Variants in CSMD1 observed in about 807,000 individuals in gnomAD.
CSMD1 encodes the protein CUB and sushi domain-containing protein 1.
CSMD1 carries 213 observed loss-of-function variants against 417.5 expected under a neutral mutation model. The observed-to-expected ratio is 0.51, with a 90% CI of 0.46 to 0.57. The LOEUF (loss-of-function observed/expected upper bound fraction) is 0.57. Among genes scored for constraint, CSMD1 ranks in the 20% least tolerant of loss-of-function variants. CSMD1 has a pLI of 0.00. For missense variants in CSMD1, 6,923 were observed against 4,529.7 expected (o/e 1.53, Z -15.17); for synonymous variants, 2,862 against 1,736.8 (o/e 1.65, Z -16.11).
chr8:3,776,401 A>G (rs1798887688), intron 5 of CSMD1, among the ~76,000 whole-genome samples: 1 of 152,162 alleles, frequency 6.6e-6, no homozygotes, highest in South Asian at 2.1e-4. Context: ...AGGCGCTGCA[A>G]GGGCTGACAC....
rs1487012189 is a variant in CSMD1 at position 3,795,563 on chromosome 8, C to G, written c.819-41521G>C. ...ATCATAGATATAGATATATATCTAT[C>G]ATAGATATAGATATATATCTATCAT... On this transcript the variant is annotated intron_variant, in intron 5 of 69. Transcript: ENST00000635120. 2.7e-4 allele frequency among the ~76,000 whole-genome samples: 2 copies of G among 7,410 alleles called. 1 individual carries two copies. Among genetic ancestry groups the G allele is most frequent in the Non-Finnish European group, 4.2e-4 (2 of 4,772 alleles). The allele number at this position is 7,410 out of a possible 152,430, so 4.9% of individuals were successfully genotyped here.
intron 26 of CSMD1, among the ~76,000 whole-genome samples, chr8:3,241,531 G>A (rs1165064085): frequency 2.0e-5 from 3 of 152,152 alleles, no homozygotes; most frequent in Non-Finnish European, 4.4e-5. Flanking sequence ...AGAGTCTTGG[G>A]CCAGAGTTCC....
intron 3 of CSMD1, among the ~76,000 whole-genome samples, chr8:4,355,225 G>A (rs892803111): frequency 5.3e-5 from 8 of 151,764 alleles, no homozygotes; most frequent in South Asian, 2.1e-4. Flanking sequence ...TCGCGCCACT[G>A]CACTCCAGCC....
intron 1 of CSMD1, among the ~76,000 whole-genome samples, chr8:4,657,736 T>C (rs1421414063): frequency 7.1e-6 from 1 of 140,654 alleles, no homozygotes; most frequent in East Asian, 2.1e-4. Context: ...AAAAAAAAAC[T>C]CTCCCTGAAA....
chr8:3,835,911 A>T (rs1802666446), intron 5 of CSMD1, among the ~76,000 whole-genome samples: 1 of 151,912 alleles, frequency 6.6e-6, no homozygotes, highest in Non-Finnish European at 1.5e-5. Flanking sequence ...ACTTTTTTCA[A>T]CATATTTTCT....
chr8:3,036,243 A>C (rs1184856115), intron 50 of CSMD1, among the ~76,000 whole-genome samples: 1 of 152,214 alleles, frequency 6.6e-6, no homozygotes, highest in African/African-American at 2.4e-5. Flanking sequence ...ACATTGCTTT[A>C]AGATATTTAG....
At chr8:3,317,129 G>C (rs1204327606) in intron 23 of CSMD1, among the ~76,000 whole-genome samples, 1 of 152,182 alleles carries the variant, frequency 6.6e-6, no homozygotes, top group East Asian at 1.9e-4. Flanking sequence ...CAGCTCATGG[G>C]AGAGGTGAGG....
intron 3 of CSMD1, among the ~76,000 whole-genome samples, chr8:4,322,156 A>G (rs892438190): frequency 6.6e-6 from 1 of 152,232 alleles, no homozygotes; most frequent in Non-Finnish European, 1.5e-5. Flanking sequence ...TACATTTGAA[A>G]TAACATTGCT....
At chr8:4,397,662 A>C (rs1159179310) in intron 3 of CSMD1, among the ~76,000 whole-genome samples, 1 of 151,258 alleles carries the variant, frequency 6.6e-6, no homozygotes, top group Non-Finnish European at 1.5e-5. Flanking sequence ...TTCTGCTTTA[A>C]ATTGCGGCAG....
intron 3 of CSMD1, among the ~76,000 whole-genome samples, chr8:4,336,720 G>T (rs1377131757): frequency 2.6e-5 from 4 of 152,104 alleles, no homozygotes; most frequent in African/African-American, 9.7e-5. Context: ...ATTCTTTCTA[G>T]GATCCAATTA....
chr8:4,712,710 TTC>T (rs146362818), intron 1 of CSMD1, among the ~76,000 whole-genome samples: 4 of 152,208 alleles, frequency 2.6e-5, no homozygotes, highest in Admixed American at 6.5e-5. Flanking sequence ...GTGTGTTTTT[TTC>T]TCTCTCTCTT....
rs140350180 is a variant in CSMD1 at position 4,216,669 on chromosome 8, G to A, written c.416-184570C>T. On this transcript the variant is annotated intron_variant, in intron 3 of 69. Transcript: ENST00000635120. ...TTCTTTCGTAAATGACTGAGTGAAGGGAAGCTTCTCATGTTTCATGTAAGC... is the reference window on the plus strand; with the variant it reads ...TTCTTTCGTAAATGACTGAGTGAAGAGAAGCTTCTCATGTTTCATGTAAGC... Among the ~76,000 whole-genome samples the A allele has an allele frequency of 3.3e-5, 5 of 152,178 alleles. No individual in the cohort carries two copies. In the East Asian group the frequency reaches 9.7e-4, roughly 29 times the overall value.
chr8:4,902,886 G>T (rs1379367230), intron 1 of CSMD1, among the ~76,000 whole-genome samples: 1 of 150,864 alleles, frequency 6.6e-6, no homozygotes, highest in Non-Finnish European at 1.5e-5. Context: ...CATATGTACT[G>T]CATGTATATT....
intron 1 of CSMD1, among the ~76,000 whole-genome samples, chr8:4,945,749 G>T (rs777255084): frequency 6.6e-6 from 1 of 152,074 alleles, no homozygotes; most frequent in Non-Finnish European, 1.5e-5. Context: ...AGGAGATGAT[G>T]CCACCTGGAG....
intron 3 of CSMD1, among the ~76,000 whole-genome samples, chr8:4,381,004 G>A (rs977668429): frequency 6.6e-6 from 1 of 152,140 alleles, no homozygotes; most frequent in African/African-American, 2.4e-5. Flanking sequence ...CTCACTGCCA[G>A]AACTCATTTC....
chr8:3,747,758 G>T (rs566404096), intron 6 of CSMD1, among the ~76,000 whole-genome samples: 4 of 151,820 alleles, frequency 2.6e-5, no homozygotes, highest in Non-Finnish European at 1.5e-5. Context: ...TAAAACGGTC[G>T]TATCAATTCA....
At chr8:4,231,526 T>C (rs1481989413) in intron 3 of CSMD1, among the ~76,000 whole-genome samples, 2 of 166 alleles carry the variant, frequency 0.012, no homozygotes, top group Non-Finnish European at 0.017. Flanking sequence ...GGTCTGTAAT[T>C]TTTTTTTGGT....
chr8:4,238,142 G>T (rs141251256), intron 3 of CSMD1, among the ~76,000 whole-genome samples: 1 of 152,180 alleles, frequency 6.6e-6, no homozygotes, highest in Admixed American at 6.5e-5. Flanking sequence ...AAAATGTCTG[G>T]TAAGTCCAGT....
chr8:4,558,285 C>T (rs913844335), intron 2 of CSMD1, among the ~76,000 whole-genome samples: 1 of 152,154 alleles, frequency 6.6e-6, no homozygotes, highest in Admixed American at 6.5e-5. Flanking sequence ...ACAGAATATA[C>T]ACTTTTGGAA....
Sources: allele counts gnomAD v4.1 joint callset (sites outside exome capture counted in the v4.1 genomes callset), GRCh38; gene constraint gnomAD v4.1.1; transcripts MANE v1.5; gene names NCBI Gene and HGNC (gene_info 2026-07-23, HGNC 2026-07-21).